Variants in TMEM131L observed in about 807,000 individuals in gnomAD.
TMEM131L encodes transmembrane protein 131-like.
A neutral mutation model predicts 192.2 loss-of-function variants in TMEM131L; 54 were observed. The observed-to-expected ratio is 0.28, with a 90% CI of 0.23 to 0.35. The LOEUF is 0.35. Among genes scored for constraint, TMEM131L ranks in the 10% least tolerant of loss-of-function variants. TMEM131L has a pLI of 1.00. For missense variants in TMEM131L, 1,888 were observed against 1,972.9 expected (o/e 0.96, Z 0.82); for synonymous variants, 701 against 704.9 (o/e 0.99, Z 0.09).
intron 23 of TMEM131L, among the ~76,000 whole-genome samples, chr4:153,603,030 G>A (rs1486241187): frequency 6.6e-6 from 1 of 152,156 alleles, no homozygotes; most frequent in East Asian, 1.9e-4. Flanking sequence ...CTCATGCAGT[G>A]ATGATTTGAG....
At chr4:153,600,114 C>T (rs764030222) in intron 21 of TMEM131L, among the ~76,000 whole-genome samples, 2 of 152,044 alleles carry the variant, frequency 1.3e-5, no homozygotes, top group Non-Finnish European at 2.9e-5. Context: ...CCTATAATCC[C>T]AGCACTTTGG....
rs546353708 is a variant in TMEM131L at position 153,602,042 on chromosome 4, A to C, written c.2267-110A>C. 2.6e-5 allele frequency: 16 copies of C among 625,914 alleles called. No individual in the cohort carries two copies. In the African/African-American group the frequency reaches 2.8e-4, roughly 11 times the overall value. The allele number at this position is 625,914 out of a possible 1,614,324, so 38.8% of individuals were successfully genotyped here. On this transcript the variant is annotated intron_variant, in intron 21 of 34. Coordinates refer to ENST00000409959, the MANE Select transcript of TMEM131L (RefSeq NM_001131007.2). ...TTATGTTGGATTTTTTTCGCATTTT[A>C]GTAATGTAGATCATGGTTTGGTTTA...
Position 153,485,890 on chromosome 4 carries a change from T to G in TMEM131L, c.239+12002T>G, listed in dbSNP as rs192481005. 3.9e-5 allele frequency among the ~76,000 whole-genome samples: 6 copies of G among 152,340 alleles called. No homozygotes were observed. The East Asian group carries it at 1.2e-3, about 29-fold the overall frequency. On this transcript the variant is annotated intron_variant, in intron 3 of 34. Coordinates refer to ENST00000409959, the MANE Select transcript of TMEM131L (RefSeq NM_001131007.2). ...ATAACCAGGTGGATATGTGGTAGTA[T>G]TCCCATTTTATAGATGAGGAGACAG... is the stretch of plus-strand genomic sequence containing the variant.
intron 20 of TMEM131L, among the ~76,000 whole-genome samples, chr4:153,597,824 T>C (rs1369553919): frequency 6.6e-6 from 1 of 152,104 alleles, no homozygotes; most frequent in East Asian, 1.9e-4. Context: ...TCCCAGCTAC[T>C]TGGGAGGCTG....
At chr4:153,592,088 A>G (rs546227669) in intron 17 of TMEM131L, among the ~76,000 whole-genome samples, 1 of 152,278 alleles carries the variant, frequency 6.6e-6, no homozygotes, top group South Asian at 2.1e-4. Context: ...AAAATGCAAC[A>G]ATCATGATGC....
intron 3 of TMEM131L, among the ~76,000 whole-genome samples, chr4:153,547,472 G>A (rs1312230971): frequency 1.3e-5 from 2 of 152,140 alleles, no homozygotes; most frequent in Non-Finnish European, 2.9e-5. Flanking sequence ...ATTAGATGAG[G>A]GTCATCCTCT....
chr4:153,506,081 A>G (rs945024245), intron 3 of TMEM131L, among the ~76,000 whole-genome samples: 4 of 152,202 alleles, frequency 2.6e-5, no homozygotes, highest in African/African-American at 9.7e-5. Flanking sequence ...AAGGTGAAAA[A>G]CAATAGTAGA....
intron 3 of TMEM131L, among the ~76,000 whole-genome samples, chr4:153,520,676 C>T (rs1735046124): frequency 6.6e-6 from 1 of 152,208 alleles, no homozygotes; most frequent in Non-Finnish European, 1.5e-5. Context: ...TTAGCAAGGG[C>T]TATCTCTGTG....
intron 7 of TMEM131L, among the ~76,000 whole-genome samples, chr4:153,565,443 A>T (rs1240721808): frequency 6.6e-6 from 1 of 152,208 alleles, no homozygotes. Context: ...TATAGAATGG[A>T]CTTAGAGTTT....
At chr4:153,596,961 T>C (rs1731482346) in intron 20 of TMEM131L, among the ~76,000 whole-genome samples, 1 of 152,218 alleles carries the variant, frequency 6.6e-6, no homozygotes, top group South Asian at 2.1e-4. Flanking sequence ...GAGAGTCTTT[T>C]AAAAATTTAC....
chr4:153,557,120 T>G (rs746246524), intron 6 of TMEM131L, 38 bp downstream of exon 6: 2 of 928,792 alleles, frequency 2.2e-6, no homozygotes, highest in South Asian at 2.7e-5. Context: ...CTTTGGTTGG[T>G]GACTTAACTG....
chr4:153,592,623 A>G (rs1292151592), intron 18 of TMEM131L, 39 bp downstream of exon 18: 1 of 1,299,060 alleles, frequency 7.7e-7, no homozygotes, highest in Non-Finnish European at 1.1e-6. Context: ...TTTGGGAAGT[A>G]CTTGGGAAGA....
intron 3 of TMEM131L, among the ~76,000 whole-genome samples, chr4:153,484,606 A>C (rs1340048375): frequency 4.7e-5 from 7 of 149,600 alleles, no homozygotes; most frequent in African/African-American, 7.3e-5. Flanking sequence ...GTAGCTGGGA[A>C]TACAGGCGCC....
At chr4:153,484,827 A>G (rs1258653778) in intron 3 of TMEM131L, among the ~76,000 whole-genome samples, 1 of 148,456 alleles carries the variant, frequency 6.7e-6, no homozygotes, top group Non-Finnish European at 1.5e-5. Flanking sequence ...AATTAAAAAA[A>G]AAAAAATTCA....
chr4:153,609,509 G>A (rs970904470), intron 25 of TMEM131L, among the ~76,000 whole-genome samples: 6 of 152,134 alleles, frequency 3.9e-5, no homozygotes, highest in African/African-American at 1.4e-4. Context: ...AATGACGTAT[G>A]TGTTTGGTAT....
chr4:153,615,450 C>T (rs1288678903), intron 26 of TMEM131L, among the ~76,000 whole-genome samples: 1 of 152,008 alleles, frequency 6.6e-6, no homozygotes, highest in Non-Finnish European at 1.5e-5. Context: ...GAGGTGTGCA[C>T]AGAGAAAAGG....
At chr4:153,560,937 G>A (rs1194816605) in intron 7 of TMEM131L, among the ~76,000 whole-genome samples, 1 of 152,180 alleles carries the variant, frequency 6.6e-6, no homozygotes, top group African/African-American at 2.4e-5. Flanking sequence ...GTAATTCCAT[G>A]TTTAACATTT....
At chr4:153,471,162 G>A (rs1386426481) in intron 2 of TMEM131L, among the ~76,000 whole-genome samples, 1 of 151,952 alleles carries the variant, frequency 6.6e-6, no homozygotes, top group Non-Finnish European at 1.5e-5. Context: ...TAATTTTTGT[G>A]TTTTTAGTAG....
At chr4:153,484,979 C>T (rs1365790642) in intron 3 of TMEM131L, among the ~76,000 whole-genome samples, 43 of 149,312 alleles carry the variant, frequency 2.9e-4, no homozygotes, top group Non-Finnish European at 4.6e-4. Flanking sequence ...ATTAGCTGGG[C>T]GTGGTGGCGG....
Sources: gnomAD v4.1 joint callset for allele counts (sites outside exome capture counted in the v4.1 genomes callset) on GRCh38, gnomAD v4.1.1 for gene constraint, MANE v1.5 for transcripts, NCBI Gene and HGNC (gene_info 2026-07-23, HGNC 2026-07-21) for gene names.